The following FAP variants were observed in gnomAD, a reference collection of about 807,000 sequenced individuals.
FAP encodes prolyl endopeptidase FAP.
A neutral mutation model predicts 126.5 loss-of-function variants in FAP; 110 were observed. The observed-to-expected ratio is 0.87, with a 90% confidence interval of 0.74 to 1.02. The LOEUF is 1.02. Among genes scored for constraint, FAP ranks in the 50% least tolerant of loss-of-function variants. The probability of loss-of-function intolerance (pLI) is 0.00; values close to 1 mark genes in which losing one functional copy is unlikely to be tolerated. For synonymous variants in FAP, 334 were observed against 297.3 expected, an observed-to-expected ratio of 1.12 and a Z score of -1.27; for missense variants, 919 against 909.2, an observed-to-expected ratio of 1.01 and a Z score of -0.14.
Position 162,170,924 on chromosome 2 carries a change from G to C in FAP, c.*55C>G. ...AAAAAATAAAATAAGCAAACTGTCT[G>C]AGGGGTTTATATAAGGTTTTCAGAT... On this transcript the variant is annotated 3_prime_UTR_variant, in exon 26 of 26. Transcript: ENST00000188790. 1.6e-6 allele frequency: 2 copies of C among 1,277,160 alleles called. No homozygotes were observed. Among genetic ancestry groups the C allele is most frequent in the South Asian group, 1.2e-5 (1 of 82,592 alleles). The allele number at this position is 1,277,160 out of a possible 1,614,324, so 79.1% of individuals were successfully genotyped here. A position where few individuals can be genotyped will look rare whatever the true frequency, so the allele number is the denominator to read the frequency against.
Position 162,198,286 on chromosome 2 carries a change from G to A in FAP, c.1402+471C>T, listed in dbSNP as rs73973041. The A allele has an allele frequency of 0.013, 16,944 of 1,289,836 alleles. 1,839 individuals carry two copies. The African/African-American group carries it at 0.23, about 18-fold the overall frequency. The allele number at this position is 1,289,836 out of a possible 1,614,324, so 79.9% of individuals were successfully genotyped here. A position where few individuals can be genotyped will look rare whatever the true frequency, so the allele number is the denominator to read the frequency against. The stretch of plus-strand genomic sequence containing the variant: ...CGTGGGCATCTCGGGTTTCCAAGCC[G>A]TTGTTCATTCCCCTGGATGTGAGAG... On this transcript the variant is annotated intron_variant, in intron 16 of 25. Transcript: ENST00000188790.
chr2:162,211,290 A>G (rs1481772912), intron 11 of FAP, among the ~76,000 whole-genome samples: 1 of 152,174 alleles, frequency 6.6e-6, no homozygotes, highest in Non-Finnish European at 1.5e-5. Flanking sequence ...TATATGAAGC[A>G]GAGTGCACCA....
At chr2:162,179,793 T>TCA (rs35174975) in intron 21 of FAP, among the ~76,000 whole-genome samples, 5 of 21,002 alleles carry the variant, frequency 2.4e-4, no homozygotes, top group Non-Finnish European at 5.9e-4. Context: ...TATCTATCTA[T>TCA]ATATATATAT....
At chr2:162,171,344 A>G in intron 25 of FAP, 1 of 298,914 alleles carries the variant, frequency 3.3e-6, no homozygotes, top group Non-Finnish European at 6.3e-6. Context: ...CTGGAAGATC[A>G]GGATCAGGCA....
rs573663745 is a variant in FAP, at chr2:162,212,958, G to A, written c.1002+980C>T. ...AAACTCAACAATAAATCTGTGCTTA[G>A]TTTTAAAGGCTTTTTCTGCCCAAAA... On this transcript the variant is annotated intron_variant, in intron 11 of 25. Coordinates refer to ENST00000188790, the MANE Select transcript of FAP (RefSeq NM_004460.5). Among the ~76,000 whole-genome samples, 6 of 152,282 alleles carry A rather than the reference G, an allele frequency of 3.9e-5. No homozygotes were observed. The South Asian group carries it at 1.2e-3, about 32-fold the overall frequency.
chr2:162,225,189 T>A (rs1689585309), intron 4 of FAP, among the ~76,000 whole-genome samples: 1 of 152,136 alleles, frequency 6.6e-6, no homozygotes, highest in African/African-American at 2.4e-5. Context: ...TCACGACCAG[T>A]AAGGGACTGA....
At chr2:162,202,850 T>C (rs1688548574) in intron 14 of FAP, 22 bp downstream of exon 14, 5 of 1,590,228 alleles carry the variant, frequency 3.1e-6, no homozygotes, top group Non-Finnish European at 3.5e-6. Flanking sequence ...GAATGGTGCA[T>C]CGTGCTTCGT....
At position 162,242,956 on chromosome 2, in the gene FAP, C is replaced by CAGAG; in HGVS notation, c.39_42dup (p.Ala15LeufsTer20). 1 of 1,613,102 alleles carries CAGAG rather than the reference C, an allele frequency of 6.2e-7. No homozygotes were observed. The highest frequency in any genetic ancestry group is 1.1e-5 in the South Asian group (1 of 90,982). On this transcript the variant is annotated frameshift_variant, in exon 2 of 26. Transcript: ENST00000188790. LOFTEE classifies it high-confidence loss of function. Reference sequence around the variant, plus strand: ...CACATCACCAATAAGGCAAGCACAGCAGAGGTGGCAACTCCAAATACGATT... The same window carrying CAGAG: ...CACATCACCAATAAGGCAAGCACAGCAGAGAGAGGTGGCAACTCCAAATACGATT...
At chr2:162,236,567 T>G (rs1216223772) in intron 2 of FAP, among the ~76,000 whole-genome samples, 3 of 152,106 alleles carry the variant, frequency 2.0e-5, no homozygotes, top group Admixed American at 6.6e-5. Flanking sequence ...TCTGTGTGCC[T>G]ATTTCAATGT....
intron 20 of FAP, among the ~76,000 whole-genome samples, chr2:162,186,776 TA>T (rs1264255501): frequency 1.3e-5 from 2 of 152,010 alleles, no homozygotes; most frequent in East Asian, 1.9e-4. Context: ...GCCATGGTGC[TA>T]AAAAAAGTCC....
At chr2:162,233,356 C>A (rs77335736) in intron 2 of FAP, among the ~76,000 whole-genome samples, 3 of 151,980 alleles carry the variant, frequency 2.0e-5, no homozygotes, top group Admixed American at 6.6e-5. Context: ...TCTATTTCTA[C>A]TGCACCCCCA....
chr2:162,194,621 T>C, intron 17 of FAP, 80 bp downstream of exon 17: 1 of 1,276,206 alleles, frequency 7.8e-7, no homozygotes, highest in Non-Finnish European at 1.1e-6. Context: ...GTGGAGAAAC[T>C]GTCCTGCTTT....
intron 21 of FAP, 200 bp from the exon 22 acceptor site, chr2:162,175,166 A>T (rs1041105042): frequency 2.1e-5 from 10 of 482,100 alleles, no homozygotes; most frequent in Non-Finnish European, 3.8e-5. Flanking sequence ...TCCCTAATTC[A>T]TTAGAAATAC....
rs913816376 is a variant in FAP at position 162,236,359 on chromosome 2, T to A, written c.91+6549A>T. ...TGTTTTCTTTCATTTTTTGAAAACG[T>A]TTGTGAAGAATTTGTGATAATTCTT... On this transcript the variant is annotated intron_variant, in intron 2 of 25. Coordinates refer to ENST00000188790, the MANE Select transcript of FAP (RefSeq NM_004460.5). Among the ~76,000 whole-genome samples the A allele has an allele frequency of 3.3e-5, 5 of 152,256 alleles. No homozygotes were observed. The East Asian group carries it at 9.6e-4, about 29-fold the overall frequency.
rs10657426 is a variant in FAP, at chr2:162,179,790, CTATATATA to C, written c.1869+3616_1869+3623del. Among the ~76,000 whole-genome samples, 15 of 115,516 alleles carry C rather than the reference CTATATATA, an allele frequency of 1.3e-4. No homozygotes were observed. In the East Asian group the frequency reaches 1.3e-3, roughly 10 times the overall value. The allele number at this position is 115,516 out of a possible 152,430, so 75.8% of individuals were successfully genotyped here. A position where few individuals can be genotyped will look rare whatever the true frequency, so the allele number is the denominator to read the frequency against. On this transcript the variant is annotated intron_variant, in intron 21 of 25. Coordinates refer to ENST00000188790, the MANE Select transcript of FAP (RefSeq NM_004460.5). ...TCTATCTATCTATCTATCTATCTATCTATATATATATATATATATATATTTTTTTTTTT... is the reference window on the plus strand; with the variant it reads ...TCTATCTATCTATCTATCTATCTATCTATATATATATATATTTTTTTTTTT...
intron 17 of FAP, 111 bp from the exon 18 acceptor site, chr2:162,189,865 G>A (rs570103133): frequency 1.3e-5 from 8 of 622,466 alleles, no homozygotes; most frequent in South Asian, 4.0e-5. Context: ...TGAAAAGCTC[G>A]CTTAAGAAGT....
In FAP at chr2:162,201,777, G is replaced by T. The variant is rs551510405; in HGVS notation, c.1223+1095C>A. On this transcript the variant is annotated intron_variant, in intron 14 of 25. Transcript: ENST00000188790. Reference sequence around the variant, plus strand: ...AGTGCTAAGGACGCAAACAAAGAAGGAGGTGCAGTTTTGTCCTCAGAGCAT... The same window carrying T: ...AGTGCTAAGGACGCAAACAAAGAAGTAGGTGCAGTTTTGTCCTCAGAGCAT... Among the ~76,000 whole-genome samples the T allele has an allele frequency of 3.1e-4, 47 of 152,264 alleles. 1 individual carries two copies. Among genetic ancestry groups the T allele is most frequent in the African/African-American group, 1.1e-3 (47 of 41,554 alleles).
At chr2:162,179,281 C>A in intron 21 of FAP, among the ~76,000 whole-genome samples, 1 of 147,108 alleles carries the variant, frequency 6.8e-6, no homozygotes, top group Non-Finnish European at 1.5e-5. Context: ...CTTTCTAGAG[C>A]CTATATACAC....
Position 162,243,406 on chromosome 2 carries a change from G to T in FAP, c.-79C>A, listed in dbSNP as rs1690437226. On this transcript the variant is annotated 5_prime_UTR_variant, in exon 1 of 26. Coordinates refer to ENST00000188790, the MANE Select transcript of FAP (RefSeq NM_004460.5). Reference sequence around the variant, plus strand: ...TGGATCTGTGAAAACCGTTGAAAAGGACCAAGTCTGTCTTTGTAGTTGGAA... The same window carrying T: ...TGGATCTGTGAAAACCGTTGAAAAGTACCAAGTCTGTCTTTGTAGTTGGAA... The T allele has an allele frequency of 2.6e-6, 4 of 1,558,912 alleles. No homozygotes were observed. In the South Asian group the frequency reaches 4.9e-5, roughly 19 times the overall value.
Sources: allele counts gnomAD v4.1 joint callset (sites outside exome capture counted in the v4.1 genomes callset), GRCh38; gene constraint gnomAD v4.1.1; transcripts MANE v1.5; gene names NCBI Gene and HGNC (gene_info 2026-07-23, HGNC 2026-07-21).